RBFOX1: variants seen among roughly 807,000 people sequenced by gnomAD.
RBFOX1 encodes the protein RNA binding protein fox-1 homolog 1.
Under a neutral mutation model 57.7 loss-of-function variants are expected in RBFOX1, and 8 were observed. That is an observed-to-expected ratio of 0.14 (90% CI 0.08 to 0.25). The LOEUF (loss-of-function observed/expected upper bound fraction) is 0.25. Ranked by LOEUF, RBFOX1 falls within the 10% of genes least tolerant of loss-of-function variation. The pLI is 1.00. For missense variants in RBFOX1, 611 were observed against 548.5 expected, an observed-to-expected ratio of 1.11 and a Z score of -1.14; for synonymous variants, 326 against 222.4, an observed-to-expected ratio of 1.47 and a Z score of -4.15.
At chr16:7,319,514 T>G (rs1421309167) in intron 4 of RBFOX1, among the ~76,000 whole-genome samples, 2 of 152,160 alleles carry the variant, frequency 1.3e-5, no homozygotes, top group Non-Finnish European at 2.9e-5. Context: ...GTTTGGAGAC[T>G]GTACAATCTG....
chr16:6,947,856 A>G (rs1209423979), intron 3 of RBFOX1, among the ~76,000 whole-genome samples: 1 of 152,174 alleles, frequency 6.6e-6, no homozygotes, highest in African/African-American at 2.4e-5. Context: ...GGCTCACTGC[A>G]AAGTCCACCT....
chr16:5,978,670 T>C (rs527658363), intron 4 of RBFOX1, among the ~76,000 whole-genome samples: 169 of 148,790 alleles, frequency 1.1e-3, no homozygotes, highest in Non-Finnish European at 2.1e-3. Flanking sequence ...TTTTTTGTTT[T>C]TTTGTTTGTT....
Position 7,144,419 on chromosome 16 carries a change from T to TC in RBFOX1, c.27+92321_27+92322insC, listed in dbSNP as rs1555507972. Among the ~76,000 whole-genome samples, 53 of 110,764 alleles carry TC rather than the reference T, an allele frequency of 4.8e-4. 1 individual carries two copies. Among genetic ancestry groups the TC allele is most frequent in the African/African-American group, 1.2e-3 (25 of 20,412 alleles). 72.7% of individuals were successfully genotyped at this position (110,764 alleles called of 152,430 possible). A position where few individuals can be genotyped will look rare whatever the true frequency, so the allele number is the denominator to read the frequency against. On this transcript the variant is annotated intron_variant, in intron 4 of 15. Coordinates refer to ENST00000550418, the MANE Select transcript of RBFOX1 (RefSeq NM_018723.4). ...TTTTCTCTTTCTTTTTCTTTCTTCT[T>TC]TTTTTTTTTTTTTTTTTTTGAGTCA... is the stretch of plus-strand genomic sequence containing the variant.
At chr16:6,378,651 G>T (rs772683948) in intron 2 of RBFOX1, among the ~76,000 whole-genome samples, 3 of 152,058 alleles carry the variant, frequency 2.0e-5, no homozygotes, top group East Asian at 3.9e-4. Flanking sequence ...CTTCCCCATT[G>T]GTCATCCCAG....
intron 4 of RBFOX1, among the ~76,000 whole-genome samples, chr16:7,200,957 C>G (rs1056986584): frequency 2.0e-5 from 3 of 152,070 alleles, no homozygotes; most frequent in African/African-American, 7.3e-5. Flanking sequence ...AATATGTAGC[C>G]CTGAACTTCT....
chr16:5,456,853 G>A (rs1426073271), intron 1 of RBFOX1, among the ~76,000 whole-genome samples: 2 of 152,120 alleles, frequency 1.3e-5, no homozygotes, highest in Non-Finnish European at 2.9e-5. Flanking sequence ...ACCCCGCCTT[G>A]CCTCAAGCCA....
intron 4 of RBFOX1, among the ~76,000 whole-genome samples, chr16:7,422,368 C>T (rs79812354): frequency 0.011 from 1,741 of 152,204 alleles, 9 homozygotes; most frequent in Non-Finnish European, 0.017. Context: ...GGGGAAATGG[C>T]GGCAAGCAAT....
intron 2 of RBFOX1, among the ~76,000 whole-genome samples, chr16:6,480,399 C>T (rs1192369198): frequency 6.6e-6 from 1 of 152,206 alleles, no homozygotes; most frequent in East Asian, 1.9e-4. Flanking sequence ...GCAGTCGTAG[C>T]AACCCATAAA....
At chr16:6,950,335 C>G (rs2080457084) in intron 3 of RBFOX1, among the ~76,000 whole-genome samples, 1 of 152,144 alleles carries the variant, frequency 6.6e-6, no homozygotes, top group African/African-American at 2.4e-5. Flanking sequence ...TGCTTTATCC[C>G]ATAGAATCAC....
At chr16:7,638,242 C>G (rs1453001160) in intron 11 of RBFOX1, among the ~76,000 whole-genome samples, 1 of 152,102 alleles carries the variant, frequency 6.6e-6, no homozygotes, top group African/African-American at 2.4e-5. Context: ...GTGCTAAGCC[C>G]TTCTCATTAG....
chr16:5,806,638 A>T (rs929735792), intron 3 of RBFOX1, among the ~76,000 whole-genome samples: 3 of 152,242 alleles, frequency 2.0e-5, no homozygotes, highest in African/African-American at 7.2e-5. Flanking sequence ...AATCAAGCCC[A>T]AGACAGTGAA....
At chr16:7,688,297 A>T (rs1480295984) in intron 14 of RBFOX1, among the ~76,000 whole-genome samples, 1 of 151,350 alleles carries the variant, frequency 6.6e-6, no homozygotes, top group Admixed American at 6.6e-5. Flanking sequence ...CAATATTCAT[A>T]GCATTGGATA....
chr16:6,711,919 A>T (rs1283249354), intron 3 of RBFOX1, among the ~76,000 whole-genome samples: 2 of 152,106 alleles, frequency 1.3e-5, no homozygotes, highest in African/African-American at 2.4e-5. Context: ...TATATTGAAA[A>T]TTGCCTTCTC....
At chr16:6,439,811 A>C (rs146661428) in intron 2 of RBFOX1, among the ~76,000 whole-genome samples, 2 of 152,130 alleles carry the variant, frequency 1.3e-5, no homozygotes. Context: ...ACACACCTGA[A>C]TGAACCAAGG....
At chr16:7,517,880 A>G (rs1449225864) in intron 4 of RBFOX1, among the ~76,000 whole-genome samples, 1 of 151,414 alleles carries the variant, frequency 6.6e-6, no homozygotes, top group African/African-American at 2.4e-5. Context: ...TTTGAATATT[A>G]GGCTGGGTGG....
At chr16:5,466,369 A>G (rs1043183179) in intron 1 of RBFOX1, among the ~76,000 whole-genome samples, 1 of 151,940 alleles carries the variant, frequency 6.6e-6, no homozygotes, top group African/African-American at 2.4e-5. Flanking sequence ...GATCTCCTCC[A>G]TGGGGGCTGC....
intron 3 of RBFOX1, among the ~76,000 whole-genome samples, chr16:6,792,927 G>C (rs1448868495): frequency 3.9e-5 from 6 of 151,936 alleles, no homozygotes; most frequent in Admixed American, 3.9e-4. Context: ...CTACTAGGGA[G>C]GCTGAGGCAG....
intron 4 of RBFOX1, among the ~76,000 whole-genome samples, chr16:7,422,126 C>A (rs2098548604): frequency 6.6e-6 from 1 of 152,072 alleles, no homozygotes; most frequent in Non-Finnish European, 1.5e-5. Flanking sequence ...GATTCTGGGC[C>A]ACATCGTATT....
intron 4 of RBFOX1, among the ~76,000 whole-genome samples, chr16:7,139,097 C>A (rs1445296098): frequency 2.6e-5 from 4 of 151,954 alleles, no homozygotes; most frequent in Admixed American, 6.6e-5. Flanking sequence ...AGCCACCATG[C>A]ATGGTCAACT....
Sources: allele counts gnomAD v4.1 joint callset (sites outside exome capture counted in the v4.1 genomes callset), GRCh38; gene constraint gnomAD v4.1.1; transcripts MANE v1.5; gene names NCBI Gene and HGNC (gene_info 2026-07-23, HGNC 2026-07-21).